The following SIPA1L1 variants were observed in gnomAD, a reference collection of about 807,000 sequenced individuals.
SIPA1L1 encodes the protein signal induced proliferation associated 1 like 1, also known as signal-induced proliferation-associated 1-like protein 1.
In SIPA1L1, 26 loss-of-function variants were observed where a neutral mutation model predicts 162.7. That is an observed-to-expected ratio of 0.16 (90% confidence interval 0.12 to 0.22). SIPA1L1 has a LOEUF of 0.22. Among genes scored for constraint, SIPA1L1 ranks in the 10% least tolerant of loss-of-function variants. The pLI, the probability that SIPA1L1 is intolerant of heterozygous loss-of-function variation, is 1.00. For synonymous variants in SIPA1L1, 829 were observed against 837.4 expected (o/e 0.99, Z 0.17); for missense variants, 1,874 against 2,241.0 (o/e 0.84, Z 3.31).
At chr14:71,325,284 C>T (rs1002194286) in intron 2 of SIPA1L1, among the ~76,000 whole-genome samples, 12 of 152,200 alleles carry the variant, frequency 7.9e-5, no homozygotes, top group African/African-American at 2.9e-4. Flanking sequence ...ACAAAACCCA[C>T]ATGCTTTGAT....
intron 2 of SIPA1L1, among the ~76,000 whole-genome samples, chr14:71,396,223 T>G (rs1204290525): frequency 2.6e-5 from 4 of 152,296 alleles, no homozygotes; most frequent in South Asian, 4.1e-4. Flanking sequence ...CTGTTCTAGA[T>G]CCCATCAATA....
At chr14:71,453,613 T>C (rs903531553) in intron 2 of SIPA1L1, among the ~76,000 whole-genome samples, 1 of 152,312 alleles carries the variant, frequency 6.6e-6, no homozygotes, top group East Asian at 1.9e-4. Context: ...ATCATAATAC[T>C]GGAGTATAGT....
At chr14:71,736,859 G>A (rs780400393) in intron 22 of SIPA1L1, among the ~76,000 whole-genome samples, 42 of 152,318 alleles carry the variant, frequency 2.8e-4, no homozygotes, top group Non-Finnish European at 5.6e-4. Flanking sequence ...GGAAATGGAG[G>A]TGAATAGACA....
At chr14:71,475,351 T>C (rs1475065299) in intron 2 of SIPA1L1, among the ~76,000 whole-genome samples, 1 of 152,270 alleles carries the variant, frequency 6.6e-6, no homozygotes, top group Non-Finnish European at 1.5e-5. Flanking sequence ...ACTTTCCTTA[T>C]GTTTGTAACT....
At position 71,588,782 on chromosome 14, in the gene SIPA1L1, G is replaced by A. The variant is rs780064862; in HGVS notation, c.910G>A (p.Gly304Ser). Reference sequence around the variant, plus strand: ...TTTTCGTAAATTGCGCAATGCCAAAGGTGAAGAACTTGGGAAGTCATCAGA... The same window carrying A: ...TTTTCGTAAATTGCGCAATGCCAAAAGTGAAGAACTTGGGAAGTCATCAGA... The part of the protein sequence containing the change: ...SIFRKLRNAK[G>S]EELGKSSDLE... The change falls in exon 5 of 24, where the codon GGT (glycine) becomes AGT (serine). Residue 304 changes from glycine to serine, a missense_variant. By Grantham distance (56) the Gly-to-Ser change is moderately conservative. Transcript: ENST00000381232. This position sits in a 1 kb window ranked among gnomAD's most constrained non-coding sequence, Gnocchi z 4.3. The A allele has an allele frequency of 1.9e-6, 3 of 1,614,092 alleles. No homozygotes were observed. Among genetic ancestry groups the A allele is most frequent in the Admixed American group, 1.7e-5 (1 of 60,014 alleles).
intron 2 of SIPA1L1, among the ~76,000 whole-genome samples, chr14:71,329,022 T>C (rs2034181388): frequency 1.3e-5 from 2 of 152,238 alleles, no homozygotes; most frequent in South Asian, 4.1e-4. Flanking sequence ...AGTGGAATCA[T>C]GTAGTATTTG....
intron 2 of SIPA1L1, among the ~76,000 whole-genome samples, chr14:71,506,832 C>CT (rs898473365): frequency 7.7e-6 from 1 of 130,536 alleles, no homozygotes; most frequent in Non-Finnish European, 1.6e-5. Context: ...TTTTTTTTTC[C>CT]TTTTTTTTCT....
chr14:71,320,710 C>T (rs929701794), intron 1 of SIPA1L1, among the ~76,000 whole-genome samples: 1 of 150,744 alleles, frequency 6.6e-6, no homozygotes, highest in East Asian at 2.0e-4. Context: ...TCATCCCCCC[C>T]CCGGCAACCT....
At chr14:71,374,976 A>G (rs1212646906) in intron 2 of SIPA1L1, among the ~76,000 whole-genome samples, 3 of 152,018 alleles carry the variant, frequency 2.0e-5, no homozygotes, top group African/African-American at 7.2e-5. Context: ...TCTTTCTCCA[A>G]CTGTTTCTCC....
intron 10 of SIPA1L1, among the ~76,000 whole-genome samples, chr14:71,665,654 G>A (rs1360765441): frequency 6.6e-6 from 1 of 152,126 alleles, no homozygotes; most frequent in East Asian, 1.9e-4. Flanking sequence ...AATTCAATAA[G>A]CATAGCAATC....
At position 71,648,260 on chromosome 14, in the gene SIPA1L1, C is replaced by T. The variant is rs955781681; in HGVS notation, c.1819-2075C>T. 9.2e-5 allele frequency among the ~76,000 whole-genome samples: 14 copies of T among 152,064 alleles called. 1 individual carries two copies. Among genetic ancestry groups the T allele is most frequent in the East Asian group, 1.9e-4 (1 of 5,192 alleles). ...AGCCAAGATTGCGCCATTGCAATCC[C>T]GCCTGGTCAACAAGAGCGAAGCGAA... On this transcript the variant is annotated intron_variant, in intron 7 of 23. Coordinates refer to ENST00000381232, the MANE Select transcript of SIPA1L1 (RefSeq NM_001386936.1).
Position 71,377,340 on chromosome 14 carries a change from G to A in SIPA1L1, c.-465+56159G>A, listed in dbSNP as rs982628571. ...GGAGGGGCTCCTCAACTTCTCAGACGGGGCGGCCGGGCGGAGGCACTCCTC... is the reference window on the plus strand; with the variant it reads ...GGAGGGGCTCCTCAACTTCTCAGACAGGGCGGCCGGGCGGAGGCACTCCTC... On this transcript the variant is annotated intron_variant, in intron 2 of 23. Transcript: ENST00000381232. This position sits in a 1 kb window ranked among gnomAD's most constrained non-coding sequence, Gnocchi z 4.8. Among the ~76,000 whole-genome samples, 1 of 151,776 alleles carries A rather than the reference G, an allele frequency of 6.6e-6. No individual in the cohort carries two copies. The highest frequency in any genetic ancestry group is 2.4e-5 in the African/African-American group (1 of 41,302).
chr14:71,567,194 T>A (rs997244954), intron 4 of SIPA1L1, among the ~76,000 whole-genome samples: 2 of 152,194 alleles, frequency 1.3e-5, no homozygotes, highest in Non-Finnish European at 2.9e-5. Context: ...TGGAGTGAAG[T>A]TTGACTTTCT....
rs145388218 is a variant in SIPA1L1, at chr14:71,384,614, ATGT to A, written c.-465+63437_-465+63439del. On this transcript the variant is annotated intron_variant, in intron 2 of 23. Coordinates refer to ENST00000381232, the MANE Select transcript of SIPA1L1 (RefSeq NM_001386936.1). The stretch of plus-strand genomic sequence containing the variant: ...TGTATGGGCCAGCAAAACATTTGCC[ATGT>A]TGTGGTTTGAATTTAAGGTAAGTTT... 2.5e-3 allele frequency among the ~76,000 whole-genome samples: 387 copies of A among 152,356 alleles called. 1 individual carries two copies. Among genetic ancestry groups the A allele is most frequent in the African/African-American group, 8.9e-3 (370 of 41,584 alleles).
intron 17 of SIPA1L1, among the ~76,000 whole-genome samples, chr14:71,722,296 G>T (rs2083815183): frequency 6.6e-6 from 1 of 152,184 alleles, no homozygotes; most frequent in Non-Finnish European, 1.5e-5. Flanking sequence ...TCCTGTGGAG[G>T]CACAGTTGTT....
Position 71,587,671 on chromosome 14 carries a change from G to A in SIPA1L1, c.-202G>A. The A allele has an allele frequency of 1.9e-6, 1 of 527,142 alleles. No homozygotes were observed. The highest frequency in any genetic ancestry group is 3.3e-6 in the Non-Finnish European group (1 of 302,888). 32.7% of individuals were successfully genotyped at this position (527,142 alleles called of 1,614,324 possible). ...TCTGTTAAAGTGAAGCAAAGAAACTGTTGTGGATTATAACGTTTAGAAGTT... is the reference window on the plus strand; with the variant it reads ...TCTGTTAAAGTGAAGCAAAGAAACTATTGTGGATTATAACGTTTAGAAGTT... On this transcript the variant is annotated 5_prime_UTR_variant, in exon 5 of 24. Coordinates refer to ENST00000381232, the MANE Select transcript of SIPA1L1 (RefSeq NM_001386936.1).
chr14:71,404,750 CAAT>C (rs1455461938), intron 2 of SIPA1L1, among the ~76,000 whole-genome samples: 2 of 152,122 alleles, frequency 1.3e-5, no homozygotes, highest in South Asian at 2.1e-4. Flanking sequence ...TTGATCCTAA[CAAT>C]AATTTTGTGA....
chr14:71,502,825 T>G (rs1344265629), intron 2 of SIPA1L1, among the ~76,000 whole-genome samples: 2 of 152,210 alleles, frequency 1.3e-5, no homozygotes, highest in Non-Finnish European at 2.9e-5. Context: ...AAGTTCTTTA[T>G]GTTTCTTTCC....
At position 71,433,174 on chromosome 14, in the gene SIPA1L1, A is replaced by C. The variant is rs561337413; in HGVS notation, c.-464-79569A>C. Among the ~76,000 whole-genome samples the C allele has an allele frequency of 4.6e-5, 7 of 152,280 alleles. No homozygotes were observed. In the East Asian group the frequency reaches 1.4e-3, roughly 29 times the overall value. ...CTCTGAGTTTCTGGAGTTAGAGAGC[A>C]CTCTTAATGCTTTGGGAGAAACTTA... is the stretch of plus-strand genomic sequence containing the variant. On this transcript the variant is annotated intron_variant, in intron 2 of 23. Transcript: ENST00000381232.
Sources: allele counts gnomAD v4.1 joint callset (sites outside exome capture counted in the v4.1 genomes callset), GRCh38; gene constraint gnomAD v4.1.1; non-coding constraint Gnocchi (gnomAD v3.1); transcripts MANE v1.5; gene names NCBI Gene and HGNC (gene_info 2026-07-23, HGNC 2026-07-21).